BBS9: variants seen among roughly 807,000 people sequenced by gnomAD.
BBS9 encodes the protein Bardet-Biedl syndrome 9.
A neutral mutation model predicts 117.7 loss-of-function variants in BBS9; 89 were observed. The ratio of observed to expected loss-of-function variants is 0.76; its 90% CI spans 0.64 to 0.90. BBS9 has a LOEUF of 0.90. Among genes scored for constraint, BBS9 ranks in the 40% least tolerant of loss-of-function variants. The pLI, the probability that BBS9 is intolerant of heterozygous loss-of-function variation, is 0.00. For missense variants in BBS9, 982 were observed against 1,042.2 expected, an observed-to-expected ratio of 0.94 and a Z score of 0.80; for synonymous variants, 379 against 370.9, an observed-to-expected ratio of 1.02 and a Z score of -0.25.
At chr7:33,407,659 A>G (rs1046634152) in intron 19 of BBS9, among the ~76,000 whole-genome samples, 2 of 152,200 alleles carry the variant, frequency 1.3e-5, no homozygotes, top group African/African-American at 2.4e-5. Context: ...AACAGACAGG[A>G]CCCTCAGCTG....
chr7:33,356,809 T>G (rs1819688160), intron 15 of BBS9, among the ~76,000 whole-genome samples: 1 of 151,792 alleles, frequency 6.6e-6, no homozygotes, highest in South Asian at 2.1e-4. Flanking sequence ...TGCTTCTGCT[T>G]TTGCTATTTT....
At chr7:33,525,816 G>A (rs368227165) in intron 20 of BBS9, among the ~76,000 whole-genome samples, 14 of 141,918 alleles carry the variant, frequency 9.9e-5, no homozygotes, top group South Asian at 2.4e-4. Flanking sequence ...GATTTTGCTC[G>A]TTAGTTGATG....
intron 19 of BBS9, among the ~76,000 whole-genome samples, chr7:33,487,249 A>C (rs1048669089): frequency 6.6e-6 from 1 of 152,196 alleles, no homozygotes; most frequent in Non-Finnish European, 1.5e-5. Flanking sequence ...AATTTGTTCC[A>C]AATGCTATGG....
At chr7:33,351,166 A>C in intron 13 of BBS9, 53 bp from the exon 14 acceptor site, 1 of 1,225,038 alleles carries the variant, frequency 8.2e-7, no homozygotes, top group South Asian at 1.2e-5. Flanking sequence ...AACTGTTGTT[A>C]ATAACAGTTG....
At chr7:33,489,149 C>T (rs781147630) in intron 19 of BBS9, among the ~76,000 whole-genome samples, 3 of 151,694 alleles carry the variant, frequency 2.0e-5, no homozygotes, top group Non-Finnish European at 2.9e-5. Flanking sequence ...TGCACCACCA[C>T]GCCTGGCTAA....
intron 19 of BBS9, among the ~76,000 whole-genome samples, chr7:33,504,264 G>A (rs945659993): frequency 2.6e-5 from 4 of 152,150 alleles, no homozygotes; most frequent in African/African-American, 7.2e-5. Context: ...AGCCCTCAGC[G>A]AAGTGGCAAA....
chr7:33,572,704 C>T (rs944801251), intron 21 of BBS9, among the ~76,000 whole-genome samples: 2 of 152,102 alleles, frequency 1.3e-5, no homozygotes, highest in African/African-American at 4.8e-5. Flanking sequence ...CGATGTTGAG[C>T]ATATTTTTCA....
Position 33,468,153 on chromosome 7 carries a change from G to A in BBS9, c.2116-37310G>A, listed in dbSNP as rs561768739. Among the ~76,000 whole-genome samples, 481 of 152,178 alleles carry A rather than the reference G, an allele frequency of 3.2e-3. 2 individuals are homozygous for A. The highest frequency in any genetic ancestry group is 0.011 in the African/African-American group (467 of 41,526). The stretch of plus-strand genomic sequence containing the variant: ...GGAAGAAGATGAAAAGAGAGAGATC[G>A]GGGGTAGATAAAATAGCTAGGTAAA... On this transcript the variant is annotated intron_variant, in intron 19 of 22. Transcript: ENST00000242067.
At chr7:33,226,943 GA>G (rs895681624) in intron 5 of BBS9, among the ~76,000 whole-genome samples, 31 of 152,086 alleles carry the variant, frequency 2.0e-4, no homozygotes, top group African/African-American at 7.0e-4. Context: ...TAGGAAAGAT[GA>G]AAAAGTTATG....
In BBS9 at chr7:33,510,042, C is replaced by A. The variant is rs866075694; in HGVS notation, c.2298+4397C>A. On this transcript the variant is annotated intron_variant, in intron 20 of 22. Transcript: ENST00000242067. Reference sequence around the variant, plus strand: ...GCCAGATGTGTTTTTGTGGGGATACCCCTTTTCATGACAGAAGAACATTAA... The same window carrying A: ...GCCAGATGTGTTTTTGTGGGGATACACCTTTTCATGACAGAAGAACATTAA... Among the ~76,000 whole-genome samples the A allele has an allele frequency of 2.6e-5, 4 of 152,004 alleles. No homozygotes were observed. In the Middle Eastern group the frequency reaches 0.01, roughly 388 times the overall value.
intron 4 of BBS9, among the ~76,000 whole-genome samples, chr7:33,162,360 C>A (rs118167494): frequency 0.022 from 3,293 of 151,796 alleles, 42 homozygotes; most frequent in Non-Finnish European, 0.033. Context: ...TGGTTGTAGA[C>A]GTGTGGTGTT....
intron 6 of BBS9, among the ~76,000 whole-genome samples, chr7:33,263,977 G>GT (rs1765524991): frequency 6.6e-6 from 1 of 151,952 alleles, no homozygotes; most frequent in Admixed American, 6.6e-5. Flanking sequence ...TTGGTGTTTA[G>GT]GTGCTAGATC....
Position 33,604,856 on chromosome 7 carries a change from T to G in BBS9, c.2522-9T>G. The G allele has an allele frequency of 6.3e-7, 1 of 1,586,582 alleles. No homozygotes were observed. Among genetic ancestry groups the G allele is most frequent in the Non-Finnish European group, 8.7e-7 (1 of 1,155,758 alleles). ...ATTGCTTAAAATATTGTTTGTATTT[T>G]TCAACTAGGTGGTTGTACTACAATC... On this transcript the variant is annotated splice_polypyrimidine_tract_variant and intron_variant, in intron 21 of 22. Coordinates refer to ENST00000242067, the MANE Select transcript of BBS9 (RefSeq NM_198428.3).
intron 9 of BBS9, among the ~76,000 whole-genome samples, chr7:33,334,236 A>G (rs6976311): frequency 0.12 from 18,972 of 152,222 alleles, 1,453 homozygotes; most frequent in East Asian, 0.28. Context: ...TTAGTAATAA[A>G]CCTTTCAACT....
chr7:33,449,762 A>G lies in BBS9; in HGVS notation c.2116-55701A>G, dbSNP rs17170249. Among the ~76,000 whole-genome samples the G allele has an allele frequency of 7.0e-3, 1,060 of 152,254 alleles. 16 individuals are homozygous for G. The highest frequency in any genetic ancestry group is 0.024 in the African/African-American group (1,013 of 41,538). The stretch of plus-strand genomic sequence containing the variant: ...CTGTATTTCTTATGCTTGTGATTTT[A>G]CCATAGGAATTAAGGAAACAAATTG... On this transcript the variant is annotated intron_variant, in intron 19 of 22. Transcript: ENST00000242067.
chr7:33,186,174 T>G (rs542652241), intron 5 of BBS9, among the ~76,000 whole-genome samples: 13 of 152,336 alleles, frequency 8.5e-5, no homozygotes, highest in African/African-American at 2.9e-4. Flanking sequence ...AAGGGGATCG[T>G]GATTAAAATG....
At chr7:33,535,261 G>A (rs562786441) in intron 21 of BBS9, among the ~76,000 whole-genome samples, 21 of 152,152 alleles carry the variant, frequency 1.4e-4, no homozygotes, top group African/African-American at 4.1e-4. Flanking sequence ...ATGTAATAAC[G>A]CTTGCCCTGC....
intron 20 of BBS9, among the ~76,000 whole-genome samples, chr7:33,528,972 G>A (rs1157903993): frequency 6.6e-6 from 1 of 152,292 alleles, no homozygotes; most frequent in Admixed American, 6.5e-5. Flanking sequence ...TGGTATTTAG[G>A]CCTATTGACC....
At chr7:33,542,798 C>T (rs1359871789) in intron 21 of BBS9, among the ~76,000 whole-genome samples, 7 of 23,136 alleles carry the variant, frequency 3.0e-4, no homozygotes, top group African/African-American at 2.1e-3. Context: ...TGTACACACA[C>T]ACACACACAC....
Sources: gnomAD v4.1 joint callset for allele counts (sites outside exome capture counted in the v4.1 genomes callset) on GRCh38, gnomAD v4.1.1 for gene constraint, MANE v1.5 for transcripts, NCBI Gene and HGNC (gene_info 2026-07-23, HGNC 2026-07-21) for gene names.